HECW1: variants seen among roughly 807,000 people sequenced by gnomAD.
HECW1 encodes the protein E3 ubiquitin-protein ligase HECW1.
Under a neutral mutation model 182.3 loss-of-function variants are expected in HECW1, and 61 were observed. The observed-to-expected ratio is 0.33, with a 90% CI of 0.27 to 0.41. HECW1 has a LOEUF of 0.41. Ranked by LOEUF, HECW1 falls within the 10% of genes least tolerant of loss-of-function variation. The pLI is 1.00. For missense variants in HECW1, 1,739 were observed against 2,108.9 expected (o/e 0.82, Z 3.44); for synonymous variants, 859 against 832.6 (o/e 1.03, Z -0.55).
chr7:43,420,987 G>A (rs758705303), intron 8 of HECW1, among the ~76,000 whole-genome samples: 15 of 152,042 alleles, frequency 9.9e-5, no homozygotes, highest in Non-Finnish European at 1.8e-4. Flanking sequence ...AGAGGTAAGA[G>A]AGTCTTGAAA....
At chr7:43,194,296 AACTT>A (rs1415408484) in intron 2 of HECW1, 1 of 152,132 alleles carries the variant, frequency 6.6e-6, no homozygotes, top group Non-Finnish European at 1.5e-5. Flanking sequence ...TAATCACTAA[AACTT>A]AATCTTAGTA....
Position 43,432,430 on chromosome 7 carries a change from C to T in HECW1, c.802-5573C>T, listed in dbSNP as rs181424364. The stretch of plus-strand genomic sequence containing the variant: ...CTGGGATTACAGGTGTGAGCCACCG[C>T]GCCCGGCCCAGTTGTTTATTTTTTA... On this transcript the variant is annotated intron_variant, in intron 8 of 29. Transcript: ENST00000395891. The surrounding 1 kb of genome is among the most constrained non-coding windows in gnomAD (Gnocchi z 4.1). Among the ~76,000 whole-genome samples, 10 of 152,336 alleles carry T rather than the reference C, an allele frequency of 6.6e-5. No individual in the cohort carries two copies. The highest frequency in any genetic ancestry group is 2.0e-4 in the Admixed American group (3 of 15,306).
chr7:43,302,487 G>A (rs1806953343), intron 3 of HECW1, among the ~76,000 whole-genome samples: 1 of 152,222 alleles, frequency 6.6e-6, no homozygotes, highest in Admixed American at 6.5e-5. Context: ...CCAAGCAGGT[G>A]GTGGTGCCCT....
chr7:43,530,092 G>A (rs2080919690), intron 24 of HECW1, among the ~76,000 whole-genome samples: 1 of 151,098 alleles, frequency 6.6e-6, no homozygotes, highest in Non-Finnish European at 1.5e-5. Context: ...TGGGATTACA[G>A]GCCTGTGCCA....
intron 2 of HECW1, among the ~76,000 whole-genome samples, chr7:43,236,933 G>A (rs927262278): frequency 1.3e-5 from 2 of 152,134 alleles, no homozygotes; most frequent in African/African-American, 4.8e-5. Context: ...GTTTTCCCTT[G>A]GCTTAGTGAT....
chr7:43,459,138 C>T (rs1032855952), intron 13 of HECW1, among the ~76,000 whole-genome samples: 4 of 152,164 alleles, frequency 2.6e-5, no homozygotes, highest in African/African-American at 9.7e-5. Flanking sequence ...GACTCAATGT[C>T]GTGCCCCAGG....
chr7:43,508,175 G>A, intron 23 of HECW1, 44 bp downstream of exon 23: 1 of 1,362,364 alleles, frequency 7.3e-7, no homozygotes, highest in Non-Finnish European at 1.0e-6. Flanking sequence ...GCAAGGGTGG[G>A]CCAGAGCCTC....
At chr7:43,125,685 G>A (rs1003938698) in intron 2 of HECW1, among the ~76,000 whole-genome samples, 3 of 150,422 alleles carry the variant, frequency 2.0e-5, no homozygotes, top group Admixed American at 1.3e-4. Flanking sequence ...TTGAATCTGG[G>A]AGGCAGAGGT....
intron 7 of HECW1, among the ~76,000 whole-genome samples, chr7:43,404,026 A>G (rs1226311554): frequency 6.6e-6 from 1 of 152,172 alleles, no homozygotes; most frequent in Non-Finnish European, 1.5e-5. Flanking sequence ...ATGTGCTCTT[A>G]TGGACATTTC....
chr7:43,452,870 C>T (rs777258848), intron 12 of HECW1, among the ~76,000 whole-genome samples: 16 of 152,160 alleles, frequency 1.1e-4, no homozygotes, highest in Non-Finnish European at 1.8e-4. Context: ...GCAGGAAGAG[C>T]TTTGCAGGCA....
At chr7:43,232,000 C>T (rs796490379) in intron 2 of HECW1, among the ~76,000 whole-genome samples, 35 of 123,606 alleles carry the variant, frequency 2.8e-4, no homozygotes, top group East Asian at 9.5e-4. Flanking sequence ...CCAGCCTGGG[C>T]GACAGAGCGA....
intron 3 of HECW1, among the ~76,000 whole-genome samples, chr7:43,289,260 C>G (rs994126063): frequency 2.0e-5 from 3 of 152,176 alleles, no homozygotes; most frequent in East Asian, 1.9e-4. Context: ...GCATGTGCCA[C>G]CACGCCCAGC....
chr7:43,296,920 A>G (rs1806124826), intron 3 of HECW1, among the ~76,000 whole-genome samples: 1 of 151,928 alleles, frequency 6.6e-6, no homozygotes, highest in Non-Finnish European at 1.5e-5. Flanking sequence ...AGGTGACTAT[A>G]CCTCCCCTTT....
chr7:43,194,558 G>C (rs151110592), intron 2 of HECW1: 3 of 152,154 alleles, frequency 2.0e-5, no homozygotes, highest in Non-Finnish European at 4.4e-5. Context: ...GCAAAACCTT[G>C]CTGAAATCAG....
intron 26 of HECW1, among the ~76,000 whole-genome samples, chr7:43,542,264 T>C (rs2081390685): frequency 6.6e-6 from 1 of 152,196 alleles, no homozygotes; most frequent in Admixed American, 6.5e-5. Flanking sequence ...CTACTCTAGA[T>C]ACTTCATATA....
intron 13 of HECW1, among the ~76,000 whole-genome samples, chr7:43,462,760 G>A (rs923168367): frequency 1.3e-5 from 2 of 152,202 alleles, no homozygotes; most frequent in East Asian, 3.9e-4. Context: ...AGGCATCTCA[G>A]AGCTCCCCAA....
chr7:43,500,761 C>T lies in HECW1; in HGVS notation c.3500C>T (p.Ala1167Val), dbSNP rs1476570552. The change falls in exon 20 of 30, where the codon GCG becomes GTG. Residue 1167 changes from alanine to valine, a missense_variant. Coordinates refer to ENST00000395891, the MANE Select transcript of HECW1 (RefSeq NM_015052.5). The part of the protein sequence containing the change: ...NHGLEKLSCD[A>V]DLVILLSLFE... Reference sequence around the variant, plus strand: ...GGGCTTGAGAAGTTGTCCTGTGATGCGGATCTGGTCATTTTGCTGAGGTAG... The same window carrying T: ...GGGCTTGAGAAGTTGTCCTGTGATGTGGATCTGGTCATTTTGCTGAGGTAG... 9 of 1,613,604 alleles carry T rather than the reference C, an allele frequency of 5.6e-6. No individual in the cohort carries two copies. The highest frequency in any genetic ancestry group is 6.8e-6 in the Non-Finnish European group (8 of 1,179,594).
Position 43,500,891 on chromosome 7 carries a change from G to A in HECW1, c.3521+109G>A, listed in dbSNP as rs1271156651. On this transcript the variant is annotated intron_variant, in intron 20 of 29. Coordinates refer to ENST00000395891, the MANE Select transcript of HECW1 (RefSeq NM_015052.5). ...ACTGAAAAACTCACCGCTTGTTCTA[G>A]AGGATTCTAGTAACTGCAACGCAAG... is the stretch of plus-strand genomic sequence containing the variant. The A allele has an allele frequency of 6.6e-6, 6 of 907,168 alleles. No homozygotes were observed. In the Admixed American group the frequency reaches 7.3e-5, roughly 11 times the overall value. The allele number at this position is 907,168 out of a possible 1,614,324, so 56.2% of individuals were successfully genotyped here.
At chr7:43,364,110 T>C (rs1005918238) in intron 6 of HECW1, among the ~76,000 whole-genome samples, 1 of 152,186 alleles carries the variant, frequency 6.6e-6, no homozygotes, top group Non-Finnish European at 1.5e-5. Flanking sequence ...TTATATCATG[T>C]CCCCAAAGTC....
Sources: gnomAD v4.1 joint callset for allele counts (sites outside exome capture counted in the v4.1 genomes callset) on GRCh38, gnomAD v4.1.1 for gene constraint, Gnocchi (gnomAD v3.1) non-coding constraint, MANE v1.5 for transcripts, NCBI Gene and HGNC (gene_info 2026-07-23, HGNC 2026-07-21) for gene names.